SELENOM: variants seen among roughly 807,000 people sequenced by gnomAD.
The protein encoded by SELENOM is selenoprotein M, also known as selenoprotein SelM.
SELENOM carries 17 observed loss-of-function variants against 14.5 expected under a neutral mutation model. The observed-to-expected ratio is 1.17, with a 90% CI of 0.80 to 1.76. The LOEUF is 1.76. SELENOM is among the 40% of genes most tolerant of loss of function. SELENOM has a pLI of 0.00. For synonymous variants in SELENOM, 102 were observed against 93.3 expected (o/e 1.09, Z -0.54); for missense variants, 230 against 204.6 (o/e 1.12, Z -0.76).
At position 31,105,263 on chromosome 22, in the gene SELENOM, A is replaced by T; in HGVS notation, c.224T>A (p.Leu75His). Residue 75 changes from leucine (L) to histidine (H), a missense_variant, in exon 4 of 5, where the codon CTC becomes CAC. By Grantham distance (99) the Leu-to-His change is moderately conservative. Coordinates refer to ENST00000400299, the MANE Select transcript of SELENOM (RefSeq NM_080430.4). ...PFYHNLVMKH[L>H]PGADPELVLL... is the part of the protein sequence containing the mutation. The stretch of plus-strand genomic sequence containing the variant: ...CACGAGCTCAGGGTCGGCCCCAGGG[A>T]GGTGTTTCATCACCAGGTTGTGACT... The T allele has an allele frequency of 6.2e-7, 1 of 1,612,384 alleles. No homozygotes were observed. The highest frequency in any genetic ancestry group is 8.5e-7 in the Non-Finnish European group (1 of 1,179,436).
At chr22:31,107,287 A>C in intron 1 of SELENOM, 90 bp downstream of exon 1, 10 of 1,436,094 alleles carry the variant, frequency 7.0e-6, no homozygotes, top group Non-Finnish European at 9.3e-6. Context: ...TCGCGGTTCG[A>C]GGTGGTCTTG....
chr22:31,105,887 G>T (rs745718217), intron 2 of SELENOM, 43 bp downstream of exon 2: 5 of 1,593,930 alleles, frequency 3.1e-6, no homozygotes, highest in Admixed American at 3.3e-5. Context: ...TCCCCAAGAG[G>T]CTCAGGGGGA....
chr22:31,106,115 C>T, intron 1 of SELENOM, 150 bp from the exon 2 acceptor site: 1 of 717,678 alleles, frequency 1.4e-6, no homozygotes, highest in Non-Finnish European at 2.5e-6. Flanking sequence ...AATGCTGGAC[C>T]CTTGTGGGCA....
Position 31,106,201 on chromosome 22 carries a change from C to G in SELENOM, c.130-236G>C, listed in dbSNP as rs11705064. On this transcript the variant is annotated intron_variant, in intron 1 of 4. Coordinates refer to ENST00000400299, the MANE Select transcript of SELENOM (RefSeq NM_080430.4). ...GGGGAAAAGAGCAAGGCCAGAGACCCACAGTGTGCCTGCCAGCCTTGGGGC... is the reference window on the plus strand; with the variant it reads ...GGGGAAAAGAGCAAGGCCAGAGACCGACAGTGTGCCTGCCAGCCTTGGGGC... 5 of 586,712 alleles carry G rather than the reference C, an allele frequency of 8.5e-6. No homozygotes were observed. In the Admixed American group the frequency reaches 1.5e-4, roughly 17 times the overall value. The allele number at this position is 586,712 out of a possible 1,614,324, so 36.3% of individuals were successfully genotyped here. A position where few individuals can be genotyped will look rare whatever the true frequency, so the allele number is the denominator to read the frequency against.
rs1340857094 is a variant in SELENOM, at chr22:31,107,511, C to T, written c.-6G>A. 2.0e-6 allele frequency: 3 copies of T among 1,538,428 alleles called. No individual in the cohort carries two copies. Among genetic ancestry groups the T allele is most frequent in the Non-Finnish European group, 2.6e-6 (3 of 1,143,750 alleles). On this transcript the variant is annotated 5_prime_UTR_variant, in exon 1 of 5. Coordinates refer to ENST00000400299, the MANE Select transcript of SELENOM (RefSeq NM_080430.4). The stretch of plus-strand genomic sequence containing the variant: ...GGAGGCAACAGGAGGCTCATCGGGA[C>T]CCGGCCGCAGATGATGCGCAAGCTG...
chr22:31,105,737 C>A (rs758548837), intron 2 of SELENOM, 45 bp from the exon 3 acceptor site: 1 of 1,602,790 alleles, frequency 6.2e-7, no homozygotes, highest in Admixed American at 1.7e-5. Flanking sequence ...TCAGTCTACT[C>A]GAGGTACAGA....
rs968028521 is a variant in SELENOM at position 31,104,820 on chromosome 22, T to G, written c.*150A>C. 1 of 634,222 alleles carries G rather than the reference T, an allele frequency of 1.6e-6. No individual in the cohort carries two copies. Among genetic ancestry groups the G allele is most frequent in the Non-Finnish European group, 2.4e-6 (1 of 421,248 alleles). The allele number at this position is 634,222 out of a possible 1,614,324, so 39.3% of individuals were successfully genotyped here. On this transcript the variant is annotated 3_prime_UTR_variant, in exon 5 of 5. Transcript: ENST00000400299. ...TAGTGGAGCTGGGGAAGGAAGAAAGTGGGGTTGGGAGAACCTCCCCAACCC... is the reference window on the plus strand; with the variant it reads ...TAGTGGAGCTGGGGAAGGAAGAAAGGGGGGTTGGGAGAACCTCCCCAACCC...
At chr22:31,106,254 C>T (rs1399574723) in intron 1 of SELENOM, 3 of 514,734 alleles carry the variant, frequency 5.8e-6, no homozygotes, top group Non-Finnish European at 1.1e-5. Context: ...TGTGGACTGA[C>T]TCCCAATGCC....
intron 3 of SELENOM, 117 bp from the exon 4 acceptor site, chr22:31,105,403 G>T: frequency 9.2e-7 from 1 of 1,090,264 alleles, no homozygotes; most frequent in South Asian, 1.4e-5. Flanking sequence ...GCCCGGGAGG[G>T]GCCAGGGTCT....
At chr22:31,105,479 T>A (rs1314560367) in intron 3 of SELENOM, 179 bp downstream of exon 3, 5 of 805,156 alleles carry the variant, frequency 6.2e-6, no homozygotes, top group African/African-American at 1.7e-5. Context: ...TCTGTGGCAG[T>A]CATCACTAGT....
At chr22:31,106,173 C>A (rs926466172) in intron 1 of SELENOM, 1 of 605,740 alleles carries the variant, frequency 1.7e-6, no homozygotes, top group East Asian at 2.8e-5. Context: ...CCTAGAGACA[C>A]CAGGGGAAAA....
rs573248933 is a variant in SELENOM, at chr22:31,105,198, A to C, written c.279+10T>G. The stretch of plus-strand genomic sequence containing the variant: ...TGGCCTCGCCCCCAGCCCACCTCCC[A>C]CGGCCTCACCTCTAGTTCCTCGTAG... On this transcript the variant is annotated intron_variant, in intron 4 of 4. Transcript: ENST00000400299. 6.2e-7 allele frequency: 1 copy of C among 1,613,250 alleles called. No homozygotes were observed. Among genetic ancestry groups the C allele is most frequent in the African/African-American group, 1.3e-5 (1 of 75,024 alleles).
rs781367823 is a variant in SELENOM, at chr22:31,107,363, G to A, written c.129+14C>T. ...GGGAACGATAGTGCCGGGGCTGGAGGCCGGCGTACTCACCTCTACCCGGGC... is the reference window on the plus strand; with the variant it reads ...GGGAACGATAGTGCCGGGGCTGGAGACCGGCGTACTCACCTCTACCCGGGC... On this transcript the variant is annotated intron_variant, in intron 1 of 4. Coordinates refer to ENST00000400299, the MANE Select transcript of SELENOM (RefSeq NM_080430.4). The A allele has an allele frequency of 1.3e-6, 2 of 1,589,040 alleles. No homozygotes were observed. The highest frequency in any genetic ancestry group is 2.3e-5 in the South Asian group (2 of 87,840).
At position 31,107,393 on chromosome 22, in the gene SELENOM, G is replaced by T; in HGVS notation, c.113C>A (p.Thr38Asn). The T allele has an allele frequency of 6.3e-7, 1 of 1,595,080 alleles. No individual in the cohort carries two copies. The highest frequency in any genetic ancestry group is 8.5e-7 in the Non-Finnish European group (1 of 1,172,904). Residue 38 changes from threonine (T) to asparagine (N), a missense_variant, in exon 1 of 5, where the codon ACC (threonine) becomes AAC (asparagine). Coordinates refer to ENST00000400299, the MANE Select transcript of SELENOM (RefSeq NM_080430.4). ...CGTACTCACCTCTACCCGGGCGCGG[G>T]TTAGGCCGCTCAGACGGTTCCAGTC... The part of the protein sequence containing the change: ...RPDWNRLSGL[T>N]RARVETCGGU...
At position 31,105,244 on chromosome 22, in the gene SELENOM, C is replaced by G. The variant is rs1408586038; in HGVS notation, c.243G>C (p.Glu81Asp). ...CGTAGCGGCGGCCCAGCAGCACGAG[C>G]TCAGGGTCGGCCCCAGGGAGGTGTT... ...VMKHLPGADPELVLLGRRYEE... is the reference protein window; with the variant it reads ...VMKHLPGADPDLVLLGRRYEE... Residue 81 changes from glutamate (E) to aspartate (D), a missense_variant, in exon 4 of 5, where the codon GAG becomes GAC. Coordinates refer to ENST00000400299, the MANE Select transcript of SELENOM (RefSeq NM_080430.4). 4.3e-6 allele frequency: 7 copies of G among 1,613,020 alleles called. No individual in the cohort carries two copies. The highest frequency in any genetic ancestry group is 1.3e-5 in the African/African-American group (1 of 74,918).
In SELENOM at chr22:31,107,413, C is replaced by T. The variant is rs369500353; in HGVS notation, c.93G>A (p.Trp31Ter). 133 of 1,590,956 alleles carry T rather than the reference C, an allele frequency of 8.4e-5. No individual in the cohort carries two copies. Among genetic ancestry groups the T allele is most frequent in the Non-Finnish European group, 1.0e-4 (117 of 1,170,968 alleles). Residue 31 changes from tryptophan to a stop codon, truncating the protein, a stop_gained, in exon 1 of 5, where the codon TGG becomes TGA. Coordinates refer to ENST00000400299, the MANE Select transcript of SELENOM (RefSeq NM_080430.4). LOFTEE classifies it high-confidence loss of function. ...ATAATAYRPD[W>*]NRLSGLTRAR... ...CGCGGGTTAGGCCGCTCAGACGGTTCCAGTCCGGCCGGTAGGCAGTGGCGG... is the reference window on the plus strand; with the variant it reads ...CGCGGGTTAGGCCGCTCAGACGGTTTCAGTCCGGCCGGTAGGCAGTGGCGG...
In SELENOM at chr22:31,104,981, C is replaced by T. The variant is rs1258877849; in HGVS notation, c.427G>A (p.Ala143Thr). 2 of 1,591,262 alleles carry T rather than the reference C, an allele frequency of 1.3e-6. No individual in the cohort carries two copies. Among genetic ancestry groups the T allele is most frequent in the African/African-American group, 1.4e-5 (1 of 73,478 alleles). ...AKPPEETSDH[A>T]DL ...CCGCGCCCCCGGACCTACAGGTCAG[C>T]GTGGTCCGAAGTTTCCTCTGGGGGC... The change falls in exon 5 of 5, where the codon GCT becomes ACT. Residue 143 changes from alanine to threonine, a missense_variant. Ala to Thr is a moderately conservative substitution (Grantham distance 58). Transcript: ENST00000400299.
In SELENOM at chr22:31,107,479, C is replaced by T. The variant is rs889854235; in HGVS notation, c.27G>A (p.Ala9=). ...CAAGCGCCGCGAGAAGCAGCAGCAG[C>T]GCCAGCGGAGGCAACAGGAGGCTCA... The part of the protein sequence containing the change: MSLLLPPL[A]LLLLLAALVA... Residue 9 remains alanine, a synonymous_variant, in exon 1 of 5, where the codon GCG becomes GCA. Transcript: ENST00000400299. 17 of 1,557,432 alleles carry T rather than the reference C, an allele frequency of 1.1e-5. No individual in the cohort carries two copies. The highest frequency in any genetic ancestry group is 5.8e-5 in the Admixed American group (3 of 51,724).
chr22:31,104,988 C>T lies in SELENOM; in HGVS notation c.420G>A (p.Ser140=). 1.9e-6 allele frequency: 3 copies of T among 1,595,460 alleles called. No individual in the cohort carries two copies. Among genetic ancestry groups the T allele is most frequent in the Non-Finnish European group, 2.6e-6 (3 of 1,173,210 alleles). The change falls in exon 5 of 5, where the codon TCG becomes TCA. Residue 140 remains serine, a synonymous_variant. Transcript: ENST00000400299. ...CCCGGACCTACAGGTCAGCGTGGTC[C>T]GAAGTTTCCTCTGGGGGCTTCGCGG... ...WAPAKPPEET[S]DHADL
Sources: gnomAD v4.1 joint callset for allele counts on GRCh38, gnomAD v4.1.1 for gene constraint, MANE v1.5 for transcripts, NCBI Gene and HGNC (gene_info 2026-07-23, HGNC 2026-07-21) for gene names.